Variants in TEX10 observed in about 807,000 individuals in gnomAD.
TEX10 encodes the protein testis-expressed protein 10.
A neutral mutation model predicts 104.4 loss-of-function variants in TEX10; 24 were observed. That is an observed-to-expected ratio of 0.23 (90% CI 0.17 to 0.32). The LOEUF (loss-of-function observed/expected upper bound fraction) is 0.32, where lower values mean the gene tolerates loss of function less well. Among genes scored for constraint, TEX10 ranks in the 10% least tolerant of loss-of-function variants. TEX10 has a pLI of 1.00. For missense variants in TEX10, 921 were observed against 1,083.9 expected, an observed-to-expected ratio of 0.85 and a Z score of 2.11; for synonymous variants, 396 against 393.4, an observed-to-expected ratio of 1.01 and a Z score of -0.08.
Position 100,352,861 on chromosome 9 carries a change from T to A in TEX10, c.-99A>T. 9.9e-7 allele frequency: 1 copy of A among 1,005,086 alleles called. No individual in the cohort carries two copies. The highest frequency in any genetic ancestry group is 1.2e-6 in the Non-Finnish European group (1 of 843,982). 62.3% of individuals were successfully genotyped at this position (1,005,086 alleles called of 1,614,324 possible). A position where few individuals can be genotyped will look rare whatever the true frequency, so the allele number is the denominator to read the frequency against. ...GGGGCAACAGCGTGCGCCGCCGACCTCAGGCTCTAGCTCCCGGAGCGTGTT... is the reference window on the plus strand; with the variant it reads ...GGGGCAACAGCGTGCGCCGCCGACCACAGGCTCTAGCTCCCGGAGCGTGTT... On this transcript the variant is annotated 5_prime_UTR_variant, in exon 1 of 15. Coordinates refer to ENST00000374902, the MANE Select transcript of TEX10 (RefSeq NM_017746.4).
chr9:100,318,936 A>T (rs1172868001), intron 11 of TEX10, among the ~76,000 whole-genome samples: 1 of 152,214 alleles, frequency 6.6e-6, no homozygotes, highest in Non-Finnish European at 1.5e-5. Context: ...TCACACCTGT[A>T]ATCTCAGCAC....
intron 5 of TEX10, among the ~76,000 whole-genome samples, chr9:100,332,381 T>G (rs1242809716): frequency 6.6e-6 from 1 of 152,224 alleles, no homozygotes; most frequent in Non-Finnish European, 1.5e-5. Context: ...AATGGACATC[T>G]GCAAACTTGG....
At chr9:100,347,488 T>A in intron 2 of TEX10, 82 bp from the exon 3 acceptor site, 1 of 1,070,444 alleles carries the variant, frequency 9.3e-7, no homozygotes, top group Non-Finnish European at 1.3e-6. Context: ...AACACTACAC[T>A]AGTAAACTGA....
At position 100,303,613 on chromosome 9, in the gene TEX10, C is replaced by CCGGAAG. The variant is rs1256905928; in HGVS notation, c.2676+18_2676+19insCTTCCG. On this transcript the variant is annotated intron_variant, in intron 14 of 14. Coordinates refer to ENST00000374902, the MANE Select transcript of TEX10 (RefSeq NM_017746.4). The stretch of plus-strand genomic sequence containing the variant: ...TTCTTATGCTAATACTGCAAAGCCT[C>CCGGAAG]CGGTACCATGCTTCTTACCGTGATA... The CCGGAAG allele has an allele frequency of 5.6e-6, 9 of 1,613,226 alleles. No individual in the cohort carries two copies. Among genetic ancestry groups the CCGGAAG allele is most frequent in the Non-Finnish European group, 7.6e-6 (9 of 1,179,408 alleles).
chr9:100,338,402 A>T (rs1437927251), intron 5 of TEX10, among the ~76,000 whole-genome samples: 1 of 152,180 alleles, frequency 6.6e-6, no homozygotes. Flanking sequence ...TCTCAGCTAA[A>T]GATATCAGTA....
intron 10 of TEX10, 142 bp downstream of exon 10, chr9:100,321,541 A>G: frequency 3.1e-6 from 2 of 637,034 alleles, no homozygotes; most frequent in South Asian, 4.0e-5. Flanking sequence ...ATTTCCAGTT[A>G]CTAATCACAA....
intron 11 of TEX10, 126 bp downstream of exon 11, chr9:100,320,139 A>AT: frequency 1.1e-6 from 1 of 911,840 alleles, no homozygotes; most frequent in Non-Finnish European, 1.5e-6. Context: ...CCCATCCAAG[A>AT]TTATAAGCAC....
chr9:100,340,497 T>C (rs572029640), intron 4 of TEX10, 128 bp from the exon 5 acceptor site: 6 of 525,502 alleles, frequency 1.1e-5, no homozygotes, highest in African/African-American at 6.0e-5. Context: ...AGTAATATAA[T>C]ATGTAAATAA....
chr9:100,326,017 T>A (rs1418107156), intron 9 of TEX10, among the ~76,000 whole-genome samples: 1 of 152,164 alleles, frequency 6.6e-6, no homozygotes, highest in Non-Finnish European at 1.5e-5. Flanking sequence ...AACAAAGGTT[T>A]GAAGTACGAC....
At chr9:100,328,679 A>G (rs1834769741) in intron 7 of TEX10, among the ~76,000 whole-genome samples, 1 of 152,252 alleles carries the variant, frequency 6.6e-6, no homozygotes, top group Non-Finnish European at 1.5e-5. Flanking sequence ...TATGCCAAAT[A>G]AACCTCAAAC....
chr9:100,352,537 A>T (rs1407374846), intron 1 of TEX10: 6 of 1,548,396 alleles, frequency 3.9e-6, no homozygotes, highest in African/African-American at 1.4e-5. Context: ...ACCCGAAACC[A>T]GGCGAACCCG....
At position 100,346,214 on chromosome 9, in the gene TEX10, C is replaced by G. The variant is rs1587743958; in HGVS notation, c.995G>C (p.Trp332Ser). The G allele has an allele frequency of 6.2e-7, 1 of 1,613,988 alleles. No homozygotes were observed. The highest frequency in any genetic ancestry group is 8.5e-7 in the Non-Finnish European group (1 of 1,179,946). ...TAGTTGTGGAGGTACAGCTTCAACC[C>G]AGCATTCAATTAGCAATGGAATTAT... is the stretch of plus-strand genomic sequence containing the variant. ...EIIIPLLIECWVEAVPPQLAT... is the reference protein window; with the variant it reads ...EIIIPLLIECSVEAVPPQLAT... Residue 332 changes from tryptophan to serine, a missense_variant, in exon 4 of 15, where the codon TGG (tryptophan) becomes TCG (serine). By Grantham distance (177) the Trp-to-Ser change is radical (BLOSUM62 -3). Coordinates refer to ENST00000374902, the MANE Select transcript of TEX10 (RefSeq NM_017746.4).
At chr9:100,340,607 A>G (rs888088913) in intron 4 of TEX10, among the ~76,000 whole-genome samples, 8 of 152,216 alleles carry the variant, frequency 5.3e-5, no homozygotes, top group Non-Finnish European at 1.2e-4. Flanking sequence ...GCTGCTTAAG[A>G]GAGAAAAAGT....
chr9:100,322,919 T>A (rs527664232), intron 9 of TEX10, among the ~76,000 whole-genome samples: 1 of 152,212 alleles, frequency 6.6e-6, no homozygotes, highest in African/African-American at 2.4e-5. Context: ...CCCAGCCTTA[T>A]TAATATTCTT....
intron 14 of TEX10, among the ~76,000 whole-genome samples, chr9:100,302,609 C>G (rs552491656): frequency 2.6e-5 from 4 of 152,286 alleles, no homozygotes; most frequent in Admixed American, 6.5e-5. Context: ...CTCCCTCTTG[C>G]CATTCTAGTG....
chr9:100,349,171 A>G lies in TEX10; in HGVS notation c.180+13T>C, dbSNP rs1835376678. On this transcript the variant is annotated intron_variant, in intron 2 of 14. Transcript: ENST00000374902. The stretch of plus-strand genomic sequence containing the variant: ...GAAAATCTTATTTTGTCAAAACATG[A>G]TTTATGATTTACCTTTATGTTAAGT... 2 of 1,517,724 alleles carry G rather than the reference A, an allele frequency of 1.3e-6. No individual in the cohort carries two copies. Among genetic ancestry groups the G allele is most frequent in the Admixed American group, 2.4e-5 (1 of 41,350 alleles). 94.0% of individuals were successfully genotyped at this position (1,517,724 alleles called of 1,614,324 possible). A position where few individuals can be genotyped will look rare whatever the true frequency, so the allele number is the denominator to read the frequency against.
chr9:100,346,032 G>A, intron 4 of TEX10, 40 bp downstream of exon 4: 1 of 1,558,054 alleles, frequency 6.4e-7, no homozygotes, highest in Non-Finnish European at 8.7e-7. Flanking sequence ...ATGATAAAAG[G>A]CTATTAATAC....
chr9:100,349,126 A>G, intron 2 of TEX10, 58 bp downstream of exon 2: 1 of 1,391,786 alleles, frequency 7.2e-7, no homozygotes, highest in Non-Finnish European at 9.5e-7. Context: ...CAAAAATATA[A>G]CATTCTACAC....
chr9:100,336,101 A>C (rs1288698252), intron 5 of TEX10, among the ~76,000 whole-genome samples: 3 of 152,074 alleles, frequency 2.0e-5, no homozygotes, highest in Non-Finnish European at 4.4e-5. Context: ...CAGGAGGTGG[A>C]GGTTGCAGTG....
Sources: gnomAD v4.1 joint callset for allele counts (sites outside exome capture counted in the v4.1 genomes callset) on GRCh38, gnomAD v4.1.1 for gene constraint, MANE v1.5 for transcripts, NCBI Gene and HGNC (gene_info 2026-07-23, HGNC 2026-07-21) for gene names.